TMEM132D: variants seen among roughly 807,000 people sequenced by gnomAD.
TMEM132D encodes the protein transmembrane protein 132D, also known as mature OL transmembrane protein.
In TMEM132D, 21 loss-of-function variants were observed where a neutral mutation model predicts 62.3. The ratio of observed to expected loss-of-function variants is 0.34; its 90% CI spans 0.24 to 0.49. The LOEUF (loss-of-function observed/expected upper bound fraction) is 0.49. Ranked by LOEUF, TMEM132D falls within the 20% of genes least tolerant of loss-of-function variation. TMEM132D has a pLI of 0.99. For synonymous variants in TMEM132D, 621 were observed against 575.6 expected (o/e 1.08, Z -1.13); for missense variants, 1,346 against 1,402.8 (o/e 0.96, Z 0.65).
rs879048328 is a variant in TMEM132D, at chr12:129,167,883, C to T, written c.1443+41637G>A. ...CTTTATTCGGAATCCTAAAGGAGGGCTGCACTGAGCATAAGGACTGGTTCA... is the reference window on the plus strand; with the variant it reads ...CTTTATTCGGAATCCTAAAGGAGGGTTGCACTGAGCATAAGGACTGGTTCA... On this transcript the variant is annotated intron_variant, in intron 5 of 8. Transcript: ENST00000422113. Among the ~76,000 whole-genome samples the T allele has an allele frequency of 9.2e-5, 14 of 152,054 alleles. 1 individual carries two copies. Among genetic ancestry groups the T allele is most frequent in the Non-Finnish European group, 1.6e-4 (11 of 68,018 alleles).
At chr12:129,477,966 T>C (rs760016796) in intron 3 of TMEM132D, among the ~76,000 whole-genome samples, 4 of 152,158 alleles carry the variant, frequency 2.6e-5, no homozygotes, top group African/African-American at 4.8e-5. Flanking sequence ...GTGAACATCA[T>C]AGAGTGGACT....
intron 2 of TMEM132D, among the ~76,000 whole-genome samples, chr12:129,600,665 C>T (rs903535523): frequency 6.6e-6 from 1 of 152,170 alleles, no homozygotes; most frequent in Non-Finnish European, 1.5e-5. Context: ...CATAAATCTT[C>T]TTGTGTGTCT....
At chr12:129,608,397 C>G (rs1348727315) in intron 2 of TMEM132D, among the ~76,000 whole-genome samples, 1 of 152,100 alleles carries the variant, frequency 6.6e-6, no homozygotes, top group Non-Finnish European at 1.5e-5. Flanking sequence ...TGAGGCCTAA[C>G]TATGTAGATG....
intron 4 of TMEM132D, among the ~76,000 whole-genome samples, chr12:129,307,903 C>A (rs1881882285): frequency 6.6e-6 from 1 of 152,132 alleles, no homozygotes; most frequent in Admixed American, 6.5e-5. Flanking sequence ...TTGATATCCC[C>A]CACATCCTAA....
At chr12:129,774,010 C>T (rs1001358048) in intron 1 of TMEM132D, among the ~76,000 whole-genome samples, 3 of 152,154 alleles carry the variant, frequency 2.0e-5, no homozygotes, top group Non-Finnish European at 1.5e-5. Flanking sequence ...TACATGTTTG[C>T]TACTATATTC....
At chr12:129,563,820 T>G (rs1429833104) in intron 2 of TMEM132D, among the ~76,000 whole-genome samples, 2 of 151,844 alleles carry the variant, frequency 1.3e-5, no homozygotes, top group Non-Finnish European at 2.9e-5. Flanking sequence ...GTAATAATAT[T>G]TAAAAAATAC....
chr12:129,369,920 T>G (rs1307487228), intron 3 of TMEM132D, among the ~76,000 whole-genome samples: 1 of 152,076 alleles, frequency 6.6e-6, no homozygotes, highest in Non-Finnish European at 1.5e-5. Context: ...GATCTCAAAT[T>G]CAAATGCTGC....
intron 3 of TMEM132D, among the ~76,000 whole-genome samples, chr12:129,503,966 T>TCATCATCAC (rs1413212445): frequency 6.9e-6 from 1 of 145,552 alleles, no homozygotes; most frequent in East Asian, 2.0e-4. Context: ...ACTATTGTCA[T>TCATCATCAC]CATCATCACT....
At chr12:129,481,402 G>A (rs1314739856) in intron 3 of TMEM132D, among the ~76,000 whole-genome samples, 4 of 150,450 alleles carry the variant, frequency 2.7e-5, no homozygotes, top group Non-Finnish European at 4.4e-5. Context: ...GGTTGAGGAT[G>A]CTGTGGGTTA....
At chr12:129,808,522 T>G (rs947606222) in intron 1 of TMEM132D, among the ~76,000 whole-genome samples, 2 of 152,132 alleles carry the variant, frequency 1.3e-5, no homozygotes, top group Admixed American at 6.5e-5. Context: ...ATGTGAAGGA[T>G]AAAGTGTACA....
chr12:129,620,314 G>A (rs909535833), intron 2 of TMEM132D, among the ~76,000 whole-genome samples: 1 of 152,184 alleles, frequency 6.6e-6, no homozygotes, highest in African/African-American at 2.4e-5. Flanking sequence ...AAATATGTCA[G>A]GCCTGCAGAA....
rs117714167 is a variant in TMEM132D at position 129,414,960 on chromosome 12, G to A, written c.1116-77143C>T. Among the ~76,000 whole-genome samples, 1,190 of 152,252 alleles carry A rather than the reference G, an allele frequency of 7.8e-3. 12 individuals carry two copies. The highest frequency in any genetic ancestry group is 0.013 in the Non-Finnish European group (854 of 68,024). ...CCTGGCTTATTTCCCTTAGCACAAT[G>A]TGCTCTAGGTTCATCCATGCTGTCA... On this transcript the variant is annotated intron_variant, in intron 3 of 8. Transcript: ENST00000422113.
intron 3 of TMEM132D, among the ~76,000 whole-genome samples, chr12:129,357,717 C>A (rs903347343): frequency 2.0e-5 from 3 of 152,018 alleles, no homozygotes; most frequent in Non-Finnish European, 4.4e-5. Context: ...GGCAAGGAGG[C>A]CATTATTTCA....
chr12:129,499,214 A>T (rs1325630162), intron 3 of TMEM132D, among the ~76,000 whole-genome samples: 1 of 152,208 alleles, frequency 6.6e-6, no homozygotes, highest in Non-Finnish European at 1.5e-5. Flanking sequence ...ATTTACCCTT[A>T]TAAAACAAAT....
chr12:129,492,123 TC>T (rs1874813256), intron 3 of TMEM132D, among the ~76,000 whole-genome samples: 1 of 152,226 alleles, frequency 6.6e-6, no homozygotes, highest in Non-Finnish European at 1.5e-5. Context: ...TTGACAAACT[TC>T]CTGGATGTAG....
Position 129,241,009 on chromosome 12 carries a change from A to G in TMEM132D, c.1300-31346T>C, listed in dbSNP as rs866361103. ...TCGCAACCCACAAACTCCCTCATTC[A>G]TGCTGCCATTTTCTCCTGCCTGTGT... On this transcript the variant is annotated intron_variant, in intron 4 of 8. Transcript: ENST00000422113. Among the ~76,000 whole-genome samples, 8 of 152,158 alleles carry G rather than the reference A, an allele frequency of 5.3e-5. 1 individual carries two copies. In the Middle Eastern group the frequency reaches 0.014, roughly 259 times the overall value.
rs11385517 is a variant in TMEM132D at position 129,220,891 on chromosome 12, GAA to G, written c.1300-11230_1300-11229del. Among the ~76,000 whole-genome samples, 60 of 138,994 alleles carry G rather than the reference GAA, an allele frequency of 4.3e-4. 1 individual carries two copies. The South Asian group carries it at 0.011, about 25-fold the overall frequency. The allele number at this position is 138,994 out of a possible 152,430, so 91.2% of individuals were successfully genotyped here. A position where few individuals can be genotyped will look rare whatever the true frequency, so the allele number is the denominator to read the frequency against. ...ATATTCAGGCGTAATATTTAAAAAT[GAA>G]AAAAAAAAAAAGCCCAACAACCACC... On this transcript the variant is annotated intron_variant, in intron 4 of 8. Transcript: ENST00000422113.
intron 2 of TMEM132D, among the ~76,000 whole-genome samples, chr12:129,600,459 A>T: frequency 6.6e-6 from 1 of 152,184 alleles, no homozygotes; most frequent in East Asian, 1.9e-4. Context: ...TCCTCTCGTG[A>T]ATTGCCAATG....
rs1876268087 is a variant in TMEM132D, at chr12:129,128,100, GA to G, written c.1444-43399del. 2.6e-5 allele frequency among the ~76,000 whole-genome samples: 4 copies of G among 152,290 alleles called. No homozygotes were observed. The Middle Eastern group carries it at 0.014, about 518-fold the overall frequency. On this transcript the variant is annotated intron_variant, in intron 5 of 8. Transcript: ENST00000422113. ...AGTTGGTCTCCCTCTTGCTCAGCTA[GA>G]GGGCTGCATGTACAAACTTGGAAGG... is the stretch of plus-strand genomic sequence containing the variant.
Sources: allele counts gnomAD v4.1 joint callset (sites outside exome capture counted in the v4.1 genomes callset), GRCh38; gene constraint gnomAD v4.1.1; transcripts MANE v1.5; gene names NCBI Gene and HGNC (gene_info 2026-07-23, HGNC 2026-07-21).